The following GALNT13 variants were observed in gnomAD, a reference collection of about 807,000 sequenced individuals.
GALNT13 encodes the protein polypeptide N-acetylgalactosaminyltransferase 13.
In GALNT13, 28 loss-of-function variants were observed where a neutral mutation model predicts 64.2. That is an observed-to-expected ratio of 0.44 (90% CI 0.32 to 0.60). The LOEUF (loss-of-function observed/expected upper bound fraction) is 0.60, where lower values mean the gene tolerates loss of function less well. Ranked by LOEUF, GALNT13 falls within the 20% of genes least tolerant of loss-of-function variation. The pLI, the probability that GALNT13 is intolerant of heterozygous loss-of-function variation, is 0.05. For synonymous variants in GALNT13, 214 were observed against 224.6 expected (o/e 0.95, Z 0.42); for missense variants, 577 against 669.8 (o/e 0.86, Z 1.53).
chr2:153,703,601 A>T, the GALNT13 span, among the ~76,000 whole-genome samples: 2 of 151,944 alleles, frequency 1.3e-5, no homozygotes, highest in African/African-American at 2.4e-5. Context: ...GTTCATGAAC[A>T]TCTCTTGTTA....
intron 8 of GALNT13, among the ~76,000 whole-genome samples, chr2:154,283,733 G>A (rs1692096511): frequency 6.6e-6 from 1 of 151,694 alleles, no homozygotes; most frequent in Non-Finnish European, 1.5e-5. Flanking sequence ...ATACACACAA[G>A]CACATACACA....
At chr2:154,283,056 GC>G (rs1692050695) in intron 8 of GALNT13, among the ~76,000 whole-genome samples, 1 of 152,112 alleles carries the variant, frequency 6.6e-6, no homozygotes, top group Non-Finnish European at 1.5e-5. Context: ...TGACTTTCAT[GC>G]CTTTTGTGTT....
the GALNT13 span, among the ~76,000 whole-genome samples, chr2:153,524,672 T>C: frequency 6.6e-6 from 1 of 152,160 alleles, no homozygotes; most frequent in Admixed American, 6.5e-5. Context: ...CTTGGCTGAC[T>C]TATACTCATG....
At chr2:154,135,832 T>G (rs1682919053) in intron 3 of GALNT13, among the ~76,000 whole-genome samples, 1 of 152,144 alleles carries the variant, frequency 6.6e-6, no homozygotes, top group African/African-American at 2.4e-5. Flanking sequence ...CCATCTCTTT[T>G]AAAACAATGA....
the GALNT13 span, among the ~76,000 whole-genome samples, chr2:153,676,090 G>A: frequency 6.6e-6 from 1 of 151,810 alleles, no homozygotes; most frequent in Non-Finnish European, 1.5e-5. Flanking sequence ...TTTTTTGAAA[G>A]ATCAACTAAG....
the GALNT13 span, among the ~76,000 whole-genome samples, chr2:153,847,310 T>C: frequency 6.6e-6 from 1 of 152,198 alleles, no homozygotes; most frequent in Admixed American, 6.5e-5. Flanking sequence ...AGATTCTGAA[T>C]ACAAATCTTT....
chr2:154,278,544 C>T (rs911729286), intron 8 of GALNT13, among the ~76,000 whole-genome samples: 1 of 152,090 alleles, frequency 6.6e-6, no homozygotes. Flanking sequence ...AAGAGCAAGG[C>T]ATTTCCTTAG....
At chr2:153,312,160 A>G in the GALNT13 span, among the ~76,000 whole-genome samples, 1 of 152,174 alleles carries the variant, frequency 6.6e-6, no homozygotes, top group Non-Finnish European at 1.5e-5. Flanking sequence ...CTTGATAAGA[A>G]TGTGAAAGAC....
intron 2 of GALNT13, among the ~76,000 whole-genome samples, chr2:153,911,340 A>G (rs1049389176): frequency 6.6e-6 from 1 of 152,056 alleles, no homozygotes; most frequent in Non-Finnish European, 1.5e-5. Context: ...ACAGCATACC[A>G]CTGAGTCTTG....
chr2:154,201,044 A>G (rs1687141570), intron 4 of GALNT13, among the ~76,000 whole-genome samples: 1 of 152,144 alleles, frequency 6.6e-6, no homozygotes. Context: ...GTCTCTTTAT[A>G]TGTATATGTG....
chr2:153,359,083 TTATG>T, the GALNT13 span, among the ~76,000 whole-genome samples: 1 of 152,234 alleles, frequency 6.6e-6, no homozygotes, highest in African/African-American at 2.4e-5. Context: ...TCATTTTAAT[TTATG>T]TATAGTATTC....
At chr2:154,033,688 C>T (rs1345689448) in intron 3 of GALNT13, among the ~76,000 whole-genome samples, 3 of 152,086 alleles carry the variant, frequency 2.0e-5, no homozygotes, top group East Asian at 1.9e-4. Context: ...GCCTGTAATC[C>T]CAGCACTTTG....
the GALNT13 span, among the ~76,000 whole-genome samples, chr2:153,344,197 AT>A: frequency 6.6e-6 from 1 of 152,204 alleles, no homozygotes; most frequent in African/African-American, 2.4e-5. Context: ...TACTACCCTC[AT>A]TAGAGTATAG....
intron 3 of GALNT13, among the ~76,000 whole-genome samples, chr2:154,011,388 T>G (rs985216882): frequency 6.6e-6 from 1 of 152,184 alleles, no homozygotes; most frequent in Non-Finnish European, 1.5e-5. Context: ...TGTATGGTTT[T>G]GAGTGATCTT....
chr2:153,835,822 T>G, the GALNT13 span, among the ~76,000 whole-genome samples: 9 of 152,162 alleles, frequency 5.9e-5, no homozygotes, highest in East Asian at 1.9e-4. Flanking sequence ...AACTCTTATA[T>G]TTTGATGGGT....
At chr2:154,041,176 G>A (rs1228077638) in intron 3 of GALNT13, among the ~76,000 whole-genome samples, 2 of 140,568 alleles carry the variant, frequency 1.4e-5, no homozygotes, top group African/African-American at 4.9e-5. Context: ...TCAGTGCCTT[G>A]AAGGCTCATA....
At chr2:153,832,197 A>G in the GALNT13 span, among the ~76,000 whole-genome samples, 51 of 152,284 alleles carry the variant, frequency 3.3e-4, no homozygotes, top group African/African-American at 1.2e-3. Flanking sequence ...TTCACTGGGA[A>G]AAAATGAAGA....
At chr2:154,024,463 C>A (rs1320993405) in intron 3 of GALNT13, among the ~76,000 whole-genome samples, 20 of 152,156 alleles carry the variant, frequency 1.3e-4, no homozygotes, top group Non-Finnish European at 2.9e-5. Flanking sequence ...CACTGATACC[C>A]TTTCTTCCAG....
intron 1 of GALNT13, among the ~76,000 whole-genome samples, chr2:153,872,871 G>A (rs1686077531): frequency 6.6e-6 from 1 of 152,082 alleles, no homozygotes; most frequent in Admixed American, 6.5e-5. Context: ...CATTCTCGCC[G>A]TGTGTGTCTC....
Sources: allele counts gnomAD v4.1 joint callset (sites outside exome capture counted in the v4.1 genomes callset), GRCh38; gene constraint gnomAD v4.1.1; transcripts MANE v1.5; gene names NCBI Gene and HGNC (gene_info 2026-07-23, HGNC 2026-07-21).